PPP3CC: variants seen among roughly 807,000 people sequenced by gnomAD.
PPP3CC encodes the protein protein phosphatase 3 catalytic subunit gamma.
Under a neutral mutation model 60.3 loss-of-function variants are expected in PPP3CC, and 35 were observed. The observed-to-expected ratio is 0.58, with a 90% confidence interval of 0.44 to 0.77. PPP3CC has a LOEUF of 0.77. PPP3CC is among the 30% of genes least tolerant of loss of function. PPP3CC has a pLI of 0.00. For missense variants in PPP3CC, 570 were observed against 628.9 expected (o/e 0.91, Z 1.00); for synonymous variants, 206 against 224.3 (o/e 0.92, Z 0.73).
chr8:22,491,434 A>C (rs1419619204), intron 3 of PPP3CC, among the ~76,000 whole-genome samples: 9 of 152,226 alleles, frequency 5.9e-5, no homozygotes, highest in Non-Finnish European at 7.3e-5. Context: ...ATTACTGATG[A>C]AATTAAGCAT....
At chr8:22,503,425 C>T (rs2469757) in intron 4 of PPP3CC, among the ~76,000 whole-genome samples, 69,667 of 151,964 alleles carry the variant, frequency 0.46, 16,017 homozygotes, top group East Asian at 0.6. Context: ...GGAGTAGATA[C>T]GTAGTGAAGA....
chr8:22,441,111 G>T lies in PPP3CC; in HGVS notation c.-299G>T, dbSNP rs1836650378. The T allele has an allele frequency of 3.5e-6, 1 of 284,218 alleles. No individual in the cohort carries two copies. The highest frequency in any genetic ancestry group is 5.6e-5 in the East Asian group (1 of 17,968). 17.6% of individuals were successfully genotyped at this position (284,218 alleles called of 1,614,324 possible). A position where few individuals can be genotyped will look rare whatever the true frequency, so the allele number is the denominator to read the frequency against. ...GAGGGCCCGGGCCGCGAGCAGCCGC[G>T]GCCGTCCCGGTCGCCACCCTTAGCA... is the stretch of plus-strand genomic sequence containing the variant. On this transcript the variant is annotated 5_prime_UTR_variant, in exon 1 of 14. Coordinates refer to ENST00000240139, the MANE Select transcript of PPP3CC (RefSeq NM_005605.5).
At position 22,475,620 on chromosome 8, in the gene PPP3CC, T is replaced by G. The variant is rs2132468897; in HGVS notation, c.368T>G (p.Ile123Arg). The change falls in exon 3 of 14, where the codon ATA (isoleucine) becomes AGA (arginine). Residue 123 changes from isoleucine to arginine, a missense_variant. Transcript: ENST00000240139. The stretch of plus-strand genomic sequence containing the variant: ...TATGTGGACAGAGGCTATTTCAGTA[T>G]AGAGGTAAAAATTAAACTGGATATG... ...GDYVDRGYFS[I>R]ECVLYLWSLK... is the part of the protein sequence containing the mutation. The G allele has an allele frequency of 2.5e-6, 4 of 1,611,790 alleles. No homozygotes were observed. Among genetic ancestry groups the G allele is most frequent in the Non-Finnish European group, 2.5e-6 (3 of 1,178,936 alleles).
intron 3 of PPP3CC, among the ~76,000 whole-genome samples, chr8:22,478,673 G>T (rs1031691565): frequency 6.6e-5 from 10 of 152,198 alleles, no homozygotes; most frequent in Non-Finnish European, 4.4e-5. Context: ...AACTTTATGG[G>T]CAGGCTGTGA....
chr8:22,475,396 C>A, intron 2 of PPP3CC, 104 bp from the exon 3 acceptor site: 1 of 1,311,672 alleles, frequency 7.6e-7, no homozygotes, highest in Non-Finnish European at 1.0e-6. Context: ...CTGTCAAAAG[C>A]TGGAGTGATT....
intron 3 of PPP3CC, among the ~76,000 whole-genome samples, chr8:22,496,354 G>C (rs1209090117): frequency 6.6e-6 from 1 of 151,026 alleles, no homozygotes; most frequent in Non-Finnish European, 1.5e-5. Flanking sequence ...GTGTTTTCCT[G>C]GTTATTCTTT....
At position 22,520,192 on chromosome 8, in the gene PPP3CC, G is replaced by A. The variant is rs927374074; in HGVS notation, c.771-2299G>A. Among the ~76,000 whole-genome samples the A allele has an allele frequency of 2.6e-4, 39 of 152,058 alleles. 1 individual carries two copies. Among genetic ancestry groups the A allele is most frequent in the Non-Finnish European group, 1.5e-5 (1 of 68,024 alleles). On this transcript the variant is annotated intron_variant, in intron 6 of 13. Transcript: ENST00000240139. ...CAAGGTTTCAGCTGAGAAATTCACT[G>A]ATAGTCTTATAGAAGCTTCCTTGTA...
At chr8:22,534,494 C>T (rs1371547973) in intron 12 of PPP3CC, among the ~76,000 whole-genome samples, 1 of 152,034 alleles carries the variant, frequency 6.6e-6, no homozygotes, top group African/African-American at 2.4e-5. Context: ...AGGTATGTTG[C>T]TAAAGGGCTT....
intron 10 of PPP3CC, chr8:22,531,230 T>C: frequency 2.1e-6 from 3 of 1,398,176 alleles, no homozygotes; most frequent in Admixed American, 2.0e-5. Context: ...CTCTTTTCCA[T>C]GTAAACATAA....
chr8:22,527,270 G>A, intron 8 of PPP3CC, 122 bp from the exon 9 acceptor site: 1 of 1,143,374 alleles, frequency 8.7e-7, no homozygotes, highest in Non-Finnish European at 1.2e-6. Flanking sequence ...ACCTAGTCAA[G>A]TCCTGACTTT....
At chr8:22,493,423 G>T (rs1293792752) in intron 3 of PPP3CC, among the ~76,000 whole-genome samples, 2 of 150,602 alleles carry the variant, frequency 1.3e-5, no homozygotes, top group African/African-American at 4.9e-5. Context: ...TGACTCTTTT[G>T]TAATACCACT....
In PPP3CC at chr8:22,456,655, A is replaced by G. The variant is rs568751814; in HGVS notation, c.49+15197A>G. On this transcript the variant is annotated intron_variant, in intron 1 of 13. Transcript: ENST00000240139. ...GTGTATGTGTGTTTAGCTTTACACAATTTCACATATAGGTAGCATAACTAC... is the reference window on the plus strand; with the variant it reads ...GTGTATGTGTGTTTAGCTTTACACAGTTTCACATATAGGTAGCATAACTAC... Among the ~76,000 whole-genome samples the G allele has an allele frequency of 8.0e-4, 122 of 152,262 alleles. 2 individuals carry two copies. The highest frequency in any genetic ancestry group is 1.2e-3 in the Non-Finnish European group (79 of 68,026).
At chr8:22,522,067 T>C (rs1364723847) in intron 6 of PPP3CC, among the ~76,000 whole-genome samples, 1 of 152,046 alleles carries the variant, frequency 6.6e-6, no homozygotes, top group Non-Finnish European at 1.5e-5. Context: ...AAGTATATTC[T>C]TTTATTTCTG....
intron 3 of PPP3CC, among the ~76,000 whole-genome samples, chr8:22,482,803 G>A (rs554054220): frequency 4.0e-4 from 61 of 152,298 alleles, no homozygotes; most frequent in African/African-American, 1.4e-3. Flanking sequence ...GATTATGAAT[G>A]TTTCAATTCA....
At chr8:22,523,966 G>A (rs1164298690) in intron 8 of PPP3CC, among the ~76,000 whole-genome samples, 2 of 152,174 alleles carry the variant, frequency 1.3e-5, no homozygotes, top group African/African-American at 4.8e-5. Flanking sequence ...ACAAAGCAAG[G>A]AGTCAGTCTA....
At chr8:22,498,646 A>AT (rs1462023861) in intron 4 of PPP3CC, among the ~76,000 whole-genome samples, 2 of 152,230 alleles carry the variant, frequency 1.3e-5, no homozygotes, top group South Asian at 2.1e-4. Context: ...ATGTAGTAGC[A>AT]TTTTTTCCAT....
rs368410540 is a variant in PPP3CC at position 22,494,835 on chromosome 8, C to G, written c.373-3166C>G. ...TATAGGTAACCAATCTCTTCAGTTT[C>G]TGGTTTATCTTTCCTGCATTTTTTA... On this transcript the variant is annotated intron_variant, in intron 3 of 13. Coordinates refer to ENST00000240139, the MANE Select transcript of PPP3CC (RefSeq NM_005605.5). 1.4e-3 allele frequency among the ~76,000 whole-genome samples: 216 copies of G among 152,270 alleles called. 1 individual carries two copies. Among genetic ancestry groups the G allele is most frequent in the African/African-American group, 4.9e-3 (204 of 41,552 alleles).
chr8:22,471,775 A>G (rs576130131), intron 1 of PPP3CC, among the ~76,000 whole-genome samples: 3 of 152,236 alleles, frequency 2.0e-5, no homozygotes, highest in Middle Eastern at 6.8e-3. Flanking sequence ...ATTGTACACT[A>G]CTGGAGACTT....
chr8:22,445,773 A>G (rs1836802651), intron 1 of PPP3CC, among the ~76,000 whole-genome samples: 1 of 152,192 alleles, frequency 6.6e-6, no homozygotes, highest in Non-Finnish European at 1.5e-5. Context: ...TACGTTTTAA[A>G]GTTGATATCT....
Sources: allele counts gnomAD v4.1 joint callset (sites outside exome capture counted in the v4.1 genomes callset), GRCh38; gene constraint gnomAD v4.1.1; transcripts MANE v1.5; gene names NCBI Gene and HGNC (gene_info 2026-07-23, HGNC 2026-07-21).